ARL15: variants seen among roughly 807,000 people sequenced by gnomAD.
ARL15 encodes ARF like GTPase 15, also known as ADP-ribosylation factor-like protein 15.
A neutral mutation model predicts 25.2 loss-of-function variants in ARL15; 19 were observed. The ratio of observed to expected loss-of-function variants is 0.75; its 90% CI spans 0.53 to 1.10. ARL15 has a LOEUF of 1.10. Ranked by LOEUF, ARL15 falls within the 50% of genes least tolerant of loss-of-function variation. The pLI, the probability that ARL15 is intolerant of heterozygous loss-of-function variation, is 0.00. For missense variants in ARL15, 220 were observed against 246.0 expected, an observed-to-expected ratio of 0.89 and a Z score of 0.71; for synonymous variants, 94 against 86.8, an observed-to-expected ratio of 1.08 and a Z score of -0.46.
chr5:54,125,235 T>A (rs1392564854), intron 3 of ARL15, among the ~76,000 whole-genome samples: 1 of 152,124 alleles, frequency 6.6e-6, no homozygotes, highest in African/African-American at 2.4e-5. Flanking sequence ...GGTTTCGCCA[T>A]GTTGGTCAGG....
At chr5:54,238,579 C>G (rs1164802582) in intron 1 of ARL15, among the ~76,000 whole-genome samples, 1 of 152,114 alleles carries the variant, frequency 6.6e-6, no homozygotes, top group Non-Finnish European at 1.5e-5. Flanking sequence ...ATCTCTAAAG[C>G]CATCTTAAGT....
intron 4 of ARL15, among the ~76,000 whole-genome samples, chr5:53,958,131 G>A (rs1295344543): frequency 6.6e-6 from 1 of 151,568 alleles, no homozygotes; most frequent in Non-Finnish European, 1.5e-5. Context: ...AATCGCTTGA[G>A]CCTGGGAGGA....
At chr5:54,145,074 T>TTCTTACC (rs1753867470) in intron 3 of ARL15, among the ~76,000 whole-genome samples, 1 of 152,198 alleles carries the variant, frequency 6.6e-6, no homozygotes, top group Non-Finnish European at 1.5e-5. Flanking sequence ...ATTGTTTCTT[T>TTCTTACC]TCTTACCATT....
intron 1 of ARL15, among the ~76,000 whole-genome samples, chr5:54,262,395 G>A (rs900215244): frequency 6.6e-6 from 1 of 152,176 alleles, no homozygotes; most frequent in African/African-American, 2.4e-5. Flanking sequence ...AGCAGGGCCT[G>A]AATCAGAACG....
chr5:54,081,433 A>C (rs1751792655), intron 4 of ARL15, among the ~76,000 whole-genome samples: 1 of 152,164 alleles, frequency 6.6e-6, no homozygotes, highest in Admixed American at 6.5e-5. Context: ...TGAAGATGGA[A>C]GACATGAATC....
rs573501455 is a variant in ARL15, at chr5:54,304,032, C to T, written c.48+6400G>A. ...CTGCCAGAGTCCTTGGGGACAAGGG[C>T]GCATCAGCCTGCCTGCTCATGGCCA... On this transcript the variant is annotated intron_variant, in intron 1 of 4. Transcript: ENST00000504924. Among the ~76,000 whole-genome samples the T allele has an allele frequency of 7.9e-5, 12 of 152,304 alleles. No individual in the cohort carries two copies. In the South Asian group the frequency reaches 2.5e-3, roughly 32 times the overall value.
chr5:54,291,057 AC>A (rs954501644), intron 1 of ARL15, among the ~76,000 whole-genome samples: 1 of 152,198 alleles, frequency 6.6e-6, no homozygotes, highest in African/African-American at 2.4e-5. Flanking sequence ...TGGTCTAACA[AC>A]CACTTAAAGG....
chr5:54,182,564 G>A (rs1482791176), intron 1 of ARL15, among the ~76,000 whole-genome samples: 1 of 148,198 alleles, frequency 6.7e-6, no homozygotes, highest in African/African-American at 2.5e-5. Context: ...TTGTAGTATA[G>A]TTTGAAGTCA....
At chr5:54,078,996 G>C (rs1372244917) in intron 4 of ARL15, among the ~76,000 whole-genome samples, 1 of 152,006 alleles carries the variant, frequency 6.6e-6, no homozygotes, top group Non-Finnish European at 1.5e-5. Flanking sequence ...AGTGGTTTGT[G>C]CATTTCACTA....
chr5:53,910,631 A>ATT lies in ARL15; in HGVS notation c.463-23919_463-23918insAA, dbSNP rs1225255832. 5.5e-3 allele frequency among the ~76,000 whole-genome samples: 495 copies of ATT among 90,432 alleles called. 2 individuals are homozygous for ATT. Among genetic ancestry groups the ATT allele is most frequent in the African/African-American group, 0.02 (470 of 23,616 alleles). The allele number at this position is 90,432 out of a possible 152,430, so 59.3% of individuals were successfully genotyped here. A position where few individuals can be genotyped will look rare whatever the true frequency, so the allele number is the denominator to read the frequency against. ...TAGAACTTAAAGTATAATAAAAAAA[A>ATT]ATTATATATATATATATATATATAT... On this transcript the variant is annotated intron_variant, in intron 4 of 4. Coordinates refer to ENST00000504924, the MANE Select transcript of ARL15 (RefSeq NM_019087.3).
intron 1 of ARL15, among the ~76,000 whole-genome samples, chr5:54,203,228 A>C (rs990548524): frequency 2.6e-5 from 4 of 152,184 alleles, no homozygotes; most frequent in Non-Finnish European, 5.9e-5. Flanking sequence ...CAGAGGACAC[A>C]AATCGGCTTT....
intron 4 of ARL15, among the ~76,000 whole-genome samples, chr5:54,067,984 T>C (rs1751298534): frequency 6.6e-6 from 1 of 152,210 alleles, no homozygotes; most frequent in African/African-American, 2.4e-5. Context: ...TGTTTGTAGG[T>C]CTATCTCTCC....
chr5:54,281,315 T>C (rs910969496), intron 1 of ARL15, among the ~76,000 whole-genome samples: 1 of 152,114 alleles, frequency 6.6e-6, no homozygotes, highest in East Asian at 1.9e-4. Context: ...AATTCTTGTA[T>C]TTTTGGTAGA....
Position 53,927,419 on chromosome 5 carries a change from T to C in ARL15, c.463-40706A>G, listed in dbSNP as rs1364331102. Among the ~76,000 whole-genome samples the C allele has an allele frequency of 2.0e-5, 3 of 152,174 alleles. No individual in the cohort carries two copies. In the East Asian group the frequency reaches 5.8e-4, roughly 29 times the overall value. On this transcript the variant is annotated intron_variant, in intron 4 of 4. Transcript: ENST00000504924. Reference sequence around the variant, plus strand: ...GTTTTCATCCTTCAGCTAAAAGCTCTCATTCGTAAGTGGTTATACATTTGG... The same window carrying C: ...GTTTTCATCCTTCAGCTAAAAGCTCCCATTCGTAAGTGGTTATACATTTGG...
chr5:54,303,655 C>CAA (rs749656181), intron 1 of ARL15, among the ~76,000 whole-genome samples: 2 of 32,446 alleles, frequency 6.2e-5, no homozygotes, highest in African/African-American at 1.1e-4. Flanking sequence ...GAGACCCTGT[C>CAA]AAAAAAAAAA....
At chr5:53,940,266 C>T (rs1241635288) in intron 4 of ARL15, among the ~76,000 whole-genome samples, 3 of 152,128 alleles carry the variant, frequency 2.0e-5, no homozygotes, top group African/African-American at 7.2e-5. Context: ...AACCACCGCG[C>T]CCGGCAGTCC....
At chr5:54,059,611 A>G (rs1039271986) in intron 4 of ARL15, among the ~76,000 whole-genome samples, 2 of 152,228 alleles carry the variant, frequency 1.3e-5, no homozygotes, top group East Asian at 1.9e-4. Context: ...GATATACACT[A>G]AAGTTTCAAT....
chr5:54,142,513 G>A (rs886971809), intron 3 of ARL15, among the ~76,000 whole-genome samples: 4 of 152,132 alleles, frequency 2.6e-5, no homozygotes, highest in Admixed American at 2.6e-4. Context: ...ACTGAGCCAC[G>A]AGGGTTGATC....
In ARL15 at chr5:54,249,204, G is replaced by T. The variant is rs534454029; in HGVS notation, c.48+61228C>A. ...TCATAACTTGGCAGACAGGATGCGGGCTGAAAAGAAGTGGATGCATATAAA... is the reference window on the plus strand; with the variant it reads ...TCATAACTTGGCAGACAGGATGCGGTCTGAAAAGAAGTGGATGCATATAAA... On this transcript the variant is annotated intron_variant, in intron 1 of 4. Coordinates refer to ENST00000504924, the MANE Select transcript of ARL15 (RefSeq NM_019087.3). Among the ~76,000 whole-genome samples, 8 of 152,300 alleles carry T rather than the reference G, an allele frequency of 5.3e-5. No individual in the cohort carries two copies. In the South Asian group the frequency reaches 1.7e-3, roughly 32 times the overall value.
Sources: gnomAD v4.1 joint callset for allele counts (sites outside exome capture counted in the v4.1 genomes callset) on GRCh38, gnomAD v4.1.1 for gene constraint, MANE v1.5 for transcripts, NCBI Gene and HGNC (gene_info 2026-07-23, HGNC 2026-07-21) for gene names.